LRMDA: variants seen among roughly 807,000 people sequenced by gnomAD.
The protein encoded by LRMDA is leucine-rich melanocyte differentiation-associated protein.
Under a neutral mutation model 29.8 loss-of-function variants are expected in LRMDA, and 18 were observed. The observed-to-expected ratio is 0.60, with a 90% CI of 0.42 to 0.90. The LOEUF (loss-of-function observed/expected upper bound fraction) is 0.90. LRMDA is among the 40% of genes least tolerant of loss of function. LRMDA has a pLI of 0.00. For missense variants in LRMDA, 273 were observed against 273.9 expected (o/e 1.00, Z 0.02); for synonymous variants, 125 against 109.4 (o/e 1.14, Z -0.89).
chr10:75,617,235 G>A (rs148927940), intron 2 of LRMDA, among the ~76,000 whole-genome samples: 25 of 152,296 alleles, frequency 1.6e-4, no homozygotes, highest in Non-Finnish European at 2.5e-4. Flanking sequence ...AGTGCAATGG[G>A]AATGAGAAGC....
chr10:76,538,467 T>C (rs988978888), intron 6 of LRMDA, among the ~76,000 whole-genome samples: 1 of 143,730 alleles, frequency 7.0e-6, no homozygotes, highest in Admixed American at 6.9e-5. Context: ...TATGTATATA[T>C]ATATGTATAT....
intron 6 of LRMDA, among the ~76,000 whole-genome samples, chr10:76,458,960 A>G (rs1323064830): frequency 6.6e-6 from 1 of 152,180 alleles, no homozygotes; most frequent in Non-Finnish European, 1.5e-5. Context: ...GTGTCAAGAC[A>G]AAATAGCACT....
At chr10:75,571,864 C>G (rs1840441424) in intron 2 of LRMDA, among the ~76,000 whole-genome samples, 1 of 152,138 alleles carries the variant, frequency 6.6e-6, no homozygotes, top group Non-Finnish European at 1.5e-5. Context: ...TTTTGAGCCT[C>G]TTAATCCTTT....
intron 2 of LRMDA, among the ~76,000 whole-genome samples, chr10:76,000,318 C>G (rs1421667148): frequency 6.6e-6 from 1 of 152,140 alleles, no homozygotes; most frequent in African/African-American, 2.4e-5. Context: ...TGAAATCTTG[C>G]AAATGAAGAT....
intron 5 of LRMDA, among the ~76,000 whole-genome samples, chr10:76,127,090 G>A (rs953323311): frequency 6.6e-6 from 1 of 152,178 alleles, no homozygotes; most frequent in Admixed American, 6.5e-5. Context: ...CAGCCATTAT[G>A]AGCGCTGACA....
chr10:75,848,954 A>G (rs566040579), intron 2 of LRMDA, among the ~76,000 whole-genome samples: 1 of 152,140 alleles, frequency 6.6e-6, no homozygotes, highest in East Asian at 1.9e-4. Context: ...CCAGCTTCCT[A>G]TTGGGTTTGA....
chr10:76,054,278 C>G (rs1466402589), intron 4 of LRMDA, among the ~76,000 whole-genome samples: 1 of 152,074 alleles, frequency 6.6e-6, no homozygotes, highest in Non-Finnish European at 1.5e-5. Flanking sequence ...ACTTGGAAAC[C>G]CAGGCTGGCC....
At chr10:76,482,286 C>A (rs1371417682) in intron 6 of LRMDA, among the ~76,000 whole-genome samples, 1 of 151,888 alleles carries the variant, frequency 6.6e-6, no homozygotes, top group Non-Finnish European at 1.5e-5. Context: ...ACAAAGTGAA[C>A]AGACCTGCAA....
chr10:75,912,092 C>A (rs1437205499), intron 2 of LRMDA, among the ~76,000 whole-genome samples: 2 of 152,044 alleles, frequency 1.3e-5, no homozygotes, highest in Non-Finnish European at 1.5e-5. Context: ...TTTCTGTCTC[C>A]CAGAGCTCCC....
intron 6 of LRMDA, among the ~76,000 whole-genome samples, chr10:76,546,599 C>T (rs1221749358): frequency 6.6e-6 from 1 of 152,156 alleles, no homozygotes; most frequent in East Asian, 1.9e-4. Context: ...TGAGAGGCCT[C>T]TCGGCTGAAA....
intron 5 of LRMDA, among the ~76,000 whole-genome samples, chr10:76,140,914 T>G (rs1850186466): frequency 6.6e-6 from 1 of 152,128 alleles, no homozygotes. Context: ...TTAGAAACTA[T>G]TGCCTATTTA....
intron 2 of LRMDA, among the ~76,000 whole-genome samples, chr10:75,812,108 A>ATTTTTTTTTTTTTTTTTT (rs67846089): frequency 2.2e-5 from 1 of 46,258 alleles, no homozygotes; most frequent in African/African-American, 1.2e-4. Context: ...TTTAATTGTG[A>ATTTTTTTTTTTTTTTTTT]TTTTTTTTTT....
intron 2 of LRMDA, among the ~76,000 whole-genome samples, chr10:75,504,283 G>T (rs10824311): frequency 6.6e-6 from 1 of 151,900 alleles, no homozygotes; most frequent in African/African-American, 2.4e-5. Context: ...CGTGAGCCAC[G>T]GCACCCCATA....
intron 5 of LRMDA, among the ~76,000 whole-genome samples, chr10:76,110,589 G>T (rs1201689337): frequency 6.6e-6 from 1 of 152,134 alleles, no homozygotes; most frequent in Non-Finnish European, 1.5e-5. Context: ...GACCCACGGG[G>T]AGGTAATTGA....
At chr10:76,025,971 T>C (rs1848056341) in intron 2 of LRMDA, among the ~76,000 whole-genome samples, 1 of 152,190 alleles carries the variant, frequency 6.6e-6, no homozygotes, top group Non-Finnish European at 1.5e-5. Context: ...CAATACATTT[T>C]TATAAATGAA....
chr10:76,413,459 G>A (rs1841983669), intron 6 of LRMDA, among the ~76,000 whole-genome samples: 1 of 152,158 alleles, frequency 6.6e-6, no homozygotes, highest in African/African-American at 2.4e-5. Flanking sequence ...AAAGCCAAGT[G>A]AAAGGGGTAA....
At chr10:76,211,565 T>A (rs1346414167) in intron 5 of LRMDA, among the ~76,000 whole-genome samples, 1 of 152,234 alleles carries the variant, frequency 6.6e-6, no homozygotes, top group Non-Finnish European at 1.5e-5. Context: ...TGACTGTACT[T>A]TAGATTTTTT....
At chr10:76,240,697 C>G (rs2132284400) in intron 5 of LRMDA, among the ~76,000 whole-genome samples, 1 of 150,796 alleles carries the variant, frequency 6.6e-6, no homozygotes, top group East Asian at 1.9e-4. Context: ...GGCAGCATAA[C>G]TTGCAATTGC....
chr10:75,602,348 T>C (rs971344644), intron 2 of LRMDA, among the ~76,000 whole-genome samples: 3 of 152,194 alleles, frequency 2.0e-5, no homozygotes, highest in Admixed American at 2.0e-4. Context: ...CTGAATAAAC[T>C]TCAAATTTTC....
Sources: gnomAD v4.1 joint callset for allele counts (sites outside exome capture counted in the v4.1 genomes callset) on GRCh38, gnomAD v4.1.1 for gene constraint, MANE v1.5 for transcripts, NCBI Gene and HGNC (gene_info 2026-07-23, HGNC 2026-07-21) for gene names.